Variants in ARHGAP21 observed in about 807,000 individuals in gnomAD.
The protein encoded by ARHGAP21 is Rho GTPase activating protein 21.
In ARHGAP21, 38 loss-of-function variants were observed where a neutral mutation model predicts 164.6. That is an observed-to-expected ratio of 0.23 (90% confidence interval 0.18 to 0.30). The LOEUF (loss-of-function observed/expected upper bound fraction) is 0.30. Ranked by LOEUF, ARHGAP21 falls within the 10% of genes least tolerant of loss-of-function variation. The pLI is 1.00. For missense variants in ARHGAP21, 1,822 were observed against 2,370.7 expected, an observed-to-expected ratio of 0.77 and a Z score of 4.81; for synonymous variants, 766 against 857.9, an observed-to-expected ratio of 0.89 and a Z score of 1.87.
At chr10:24,657,540 C>G (rs1390448073) in intron 4 of ARHGAP21, among the ~76,000 whole-genome samples, 1 of 128,696 alleles carries the variant, frequency 7.8e-6, no homozygotes, top group Non-Finnish European at 1.7e-5. Flanking sequence ...ACCACCCCGT[C>G]TGGGAGGTGT....
intron 2 of ARHGAP21, among the ~76,000 whole-genome samples, chr10:24,684,216 G>A (rs2131923521): frequency 6.6e-6 from 1 of 152,206 alleles, no homozygotes; most frequent in South Asian, 2.1e-4. Flanking sequence ...GAACAAGGGA[G>A]GCAGAGGTTG....
chr10:24,591,728 A>T, intron 22 of ARHGAP21, 45 bp from the exon 23 acceptor site: 1 of 1,607,826 alleles, frequency 6.2e-7, no homozygotes, highest in Non-Finnish European at 8.5e-7. Context: ...CAAGCCTTTA[A>T]ATATACTGAG....
chr10:24,708,035 C>T (rs375584796), intron 2 of ARHGAP21, among the ~76,000 whole-genome samples: 44 of 152,240 alleles, frequency 2.9e-4, no homozygotes, highest in African/African-American at 9.1e-4. Context: ...ATATAAACTA[C>T]AGTTAAGTAA....
intron 10 of ARHGAP21, 22 bp from the exon 11 acceptor site, chr10:24,607,623 T>C (rs369639015): frequency 1.4e-5 from 22 of 1,612,398 alleles, no homozygotes; most frequent in Non-Finnish European, 1.8e-5. Flanking sequence ...TAAAATCCAA[T>C]ATTTAGACAT....
chr10:24,623,801 G>A (rs531027877), intron 7 of ARHGAP21, among the ~76,000 whole-genome samples: 5 of 152,274 alleles, frequency 3.3e-5, no homozygotes, highest in African/African-American at 1.2e-4. Context: ...TGTGAAATTC[G>A]AAAGGAAAAT....
At chr10:24,617,270 A>T (rs1359041087) in intron 9 of ARHGAP21, among the ~76,000 whole-genome samples, 1 of 152,218 alleles carries the variant, frequency 6.6e-6, no homozygotes, top group Non-Finnish European at 1.5e-5. Context: ...AGAAATATTA[A>T]CAGATATATC....
intron 2 of ARHGAP21, among the ~76,000 whole-genome samples, chr10:24,711,093 CAAAAA>C (rs11304785): frequency 1.6e-4 from 7 of 43,566 alleles, no homozygotes; most frequent in African/African-American, 3.0e-4. Flanking sequence ...GACTCCATCT[CAAAAA>C]AAAAAAAAAA....
At chr10:24,697,430 C>T (rs1376017304) in intron 2 of ARHGAP21, among the ~76,000 whole-genome samples, 2 of 152,172 alleles carry the variant, frequency 1.3e-5, no homozygotes, top group East Asian at 3.8e-4. Context: ...CCTATCCCAT[C>T]TTTTCTTCTT....
At chr10:24,699,482 G>A (rs796594753) in intron 2 of ARHGAP21, among the ~76,000 whole-genome samples, 3 of 152,022 alleles carry the variant, frequency 2.0e-5, no homozygotes, top group African/African-American at 7.2e-5. Context: ...CTGCCACCAT[G>A]CCCAGCTAAT....
intron 2 of ARHGAP21, among the ~76,000 whole-genome samples, chr10:24,698,442 G>A (rs948306354): frequency 1.4e-4 from 22 of 152,094 alleles, no homozygotes; most frequent in African/African-American, 2.7e-4. Flanking sequence ...CCAAAGTTGC[G>A]GAGGAGGTAG....
At chr10:24,633,586 A>G (rs1345143166) in intron 5 of ARHGAP21, 106 bp from the exon 6 acceptor site, 2 of 599,426 alleles carry the variant, frequency 3.3e-6, no homozygotes, top group African/African-American at 3.7e-5. Context: ...TGTCGTATAT[A>G]TTAAAATAAT....
intron 7 of ARHGAP21, among the ~76,000 whole-genome samples, chr10:24,627,396 TGTTA>T (rs1835241837): frequency 6.6e-6 from 1 of 152,216 alleles, no homozygotes; most frequent in African/African-American, 2.4e-5. Context: ...CTGGAATATA[TGTTA>T]GAGACAGAAA....
chr10:24,688,287 G>A (rs1400362503), intron 2 of ARHGAP21, among the ~76,000 whole-genome samples: 1 of 152,148 alleles, frequency 6.6e-6, no homozygotes, highest in African/African-American at 2.4e-5. Flanking sequence ...AGGTACTCAG[G>A]AGGCTGGGGC....
chr10:24,648,357 G>T (rs149063499), intron 4 of ARHGAP21, among the ~76,000 whole-genome samples: 200 of 152,308 alleles, frequency 1.3e-3, no homozygotes, highest in African/African-American at 4.7e-3. Context: ...CGAAAATTGT[G>T]AAACACCAAT....
chr10:24,599,281 C>T (rs975713551), intron 14 of ARHGAP21, among the ~76,000 whole-genome samples: 5 of 152,188 alleles, frequency 3.3e-5, no homozygotes, highest in African/African-American at 1.2e-4. Flanking sequence ...TTACACAGAA[C>T]TCCTCTGAAC....
intron 2 of ARHGAP21, among the ~76,000 whole-genome samples, chr10:24,672,499 C>T (rs1006444545): frequency 3.3e-5 from 5 of 152,188 alleles, no homozygotes; most frequent in African/African-American, 1.2e-4. Context: ...TAAACACCGT[C>T]TAATATGCAA....
intron 2 of ARHGAP21, among the ~76,000 whole-genome samples, chr10:24,680,847 A>G (rs1037846670): frequency 6.6e-6 from 1 of 152,100 alleles, no homozygotes; most frequent in African/African-American, 2.4e-5. Flanking sequence ...CACACATCTT[A>G]TTTCCCTAAT....
intron 4 of ARHGAP21, among the ~76,000 whole-genome samples, chr10:24,652,088 T>C (rs1838233218): frequency 1.3e-5 from 2 of 152,230 alleles, no homozygotes; most frequent in Non-Finnish European, 2.9e-5. Flanking sequence ...TCGCATATTC[T>C]TCTTTTTTTA....
rs745934735 is a variant in ARHGAP21 at position 24,621,195 on chromosome 10, T to C, written c.700A>G (p.Thr234Ala). The C allele has an allele frequency of 1.2e-6, 2 of 1,613,844 alleles. No individual in the cohort carries two copies. The highest frequency in any genetic ancestry group is 1.7e-6 in the Non-Finnish European group (2 of 1,179,872). The change falls in exon 9 of 26, where the codon ACA becomes GCA. Residue 234 changes from threonine to alanine, a missense_variant. This residue lies in a region of ARHGAP21 where 1,090 missense variants were observed against 1,378.9 expected (regional missense o/e 0.79). Coordinates refer to ENST00000396432, the MANE Select transcript of ARHGAP21 (RefSeq NM_020824.4). ...DSSLSKQQTS[T>A]PVLTQPGRAY... ...CTACCAGGTTGTGTCAGTACTGGTG[T>C]ACTGGTTTGCTGTTTGCTCAATGAT...
Sources: allele counts gnomAD v4.1 joint callset (sites outside exome capture counted in the v4.1 genomes callset), GRCh38; gene constraint gnomAD v4.1.1; regional missense constraint gnomAD v4.1.1; transcripts MANE v1.5; gene names NCBI Gene and HGNC (gene_info 2026-07-23, HGNC 2026-07-21).